ECSIT: variants seen among roughly 807,000 people sequenced by gnomAD.
ECSIT encodes ECSIT signaling integrator.
In ECSIT, 29 loss-of-function variants were observed where a neutral mutation model predicts 36.8. That is an observed-to-expected ratio of 0.79 (90% CI 0.59 to 1.08). The LOEUF (loss-of-function observed/expected upper bound fraction) is 1.08, where lower values mean the gene tolerates loss of function less well. Among genes scored for constraint, ECSIT ranks in the 50% least tolerant of loss-of-function variants. The probability of loss-of-function intolerance (pLI) is 0.00; values close to 1 mark genes in which losing one functional copy is unlikely to be tolerated. For synonymous variants in ECSIT, 231 were observed against 234.8 expected (o/e 0.98, Z 0.15); for missense variants, 542 against 581.0 (o/e 0.93, Z 0.69).
intron 1 of ECSIT, among the ~76,000 whole-genome samples, chr19:11,520,337 A>G (rs565332641): frequency 1.7e-4 from 26 of 151,596 alleles, no homozygotes; most frequent in African/African-American, 6.3e-4. Flanking sequence ...ACGCCCGGCT[A>G]ATTTTTGTAT....
chr19:11,509,845 A>G (rs1971834749), intron 4 of ECSIT, among the ~76,000 whole-genome samples: 1 of 151,912 alleles, frequency 6.6e-6, no homozygotes, highest in Admixed American at 6.6e-5. Flanking sequence ...GGCAAGGTAC[A>G]TGTATATAAT....
In ECSIT at chr19:11,506,205, T is replaced by C. The variant is rs34645543; in HGVS notation, c.1275A>G (p.Arg425=). ...CAGACTAGCTCTGGCCCTGCTGCTG[T>C]CGCTGCAGGTTGTCGTCTTCTTCCT... The part of the protein sequence containing the change: ...DHQEEDDNLQ[R]QQQGQS The change falls in exon 8 of 8, where the codon CGA becomes CGG. Residue 425 remains arginine, a synonymous_variant. Coordinates refer to ENST00000270517, the MANE Select transcript of ECSIT (RefSeq NM_016581.5). 1 of 1,606,596 alleles carries C rather than the reference T, an allele frequency of 6.2e-7. No individual in the cohort carries two copies. Among genetic ancestry groups the C allele is most frequent in the Admixed American group, 1.7e-5 (1 of 60,014 alleles).
chr19:11,508,405 T>C (rs1419940989), intron 4 of ECSIT, among the ~76,000 whole-genome samples: 2 of 150,932 alleles, frequency 1.3e-5, no homozygotes, highest in African/African-American at 4.9e-5. Context: ...TTTTTAGGGA[T>C]GGGGGTCTCC....
At chr19:11,507,149 G>A (rs1340473779) in intron 7 of ECSIT, among the ~76,000 whole-genome samples, 1 of 152,212 alleles carries the variant, frequency 6.6e-6, no homozygotes, top group Non-Finnish European at 1.5e-5. Flanking sequence ...GGGCAAATGA[G>A]TGTGTGCGGC....
chr19:11,506,146 T>G lies in ECSIT; in HGVS notation c.*38A>C, dbSNP rs374330625. 221 of 1,595,994 alleles carry G rather than the reference T, an allele frequency of 1.4e-4. No homozygotes were observed. In the African/African-American group the frequency reaches 2.6e-3, roughly 19 times the overall value. On this transcript the variant is annotated 3_prime_UTR_variant, in exon 8 of 8. Coordinates refer to ENST00000270517, the MANE Select transcript of ECSIT (RefSeq NM_016581.5). Reference sequence around the variant, plus strand: ...CATCTCATGCCTTCAGTCCACCGCCTCCTCGGGCCACAGCCCGTGCCCTCG... The same window carrying G: ...CATCTCATGCCTTCAGTCCACCGCCGCCTCGGGCCACAGCCCGTGCCCTCG...
At chr19:11,507,587 CG>C (rs1404404350) in intron 6 of ECSIT, 25 bp from the exon 7 acceptor site, 4 of 1,613,288 alleles carry the variant, frequency 2.5e-6, no homozygotes, top group South Asian at 1.1e-5. Context: ...GGAGTGCAGG[CG>C]GGGTCAGAGG....
chr19:11,522,603 A>C (rs1356008006), intron 1 of ECSIT: 4 of 565,426 alleles, frequency 7.1e-6, no homozygotes, highest in Non-Finnish European at 1.3e-5. Flanking sequence ...AATCCCAGCT[A>C]CTCAGGAGGC....
intron 1 of ECSIT, among the ~76,000 whole-genome samples, chr19:11,527,688 T>C (rs748600100): frequency 2.1e-4 from 32 of 151,472 alleles, no homozygotes; most frequent in Non-Finnish European, 3.4e-4. Context: ...TGAGATCCTG[T>C]CTCTAAAAAT....
Position 11,505,974 on chromosome 19 carries a change from A to G in ECSIT, c.*210T>C. On this transcript the variant is annotated 3_prime_UTR_variant, in exon 8 of 8. Transcript: ENST00000270517. The stretch of plus-strand genomic sequence containing the variant: ...CCCGCCCCTTTTTATTTGAATTCGG[A>G]GAACCAGAGGCGCCTGCAGATTCTG... The G allele has an allele frequency of 1.0e-6, 1 of 969,500 alleles. No homozygotes were observed. The allele number at this position is 969,500 out of a possible 1,614,324, so 60.1% of individuals were successfully genotyped here.
In ECSIT at chr19:11,505,932, G is replaced by T; in HGVS notation, c.*252C>A. 1 of 898,178 alleles carries T rather than the reference G, an allele frequency of 1.1e-6. No individual in the cohort carries two copies. The highest frequency in any genetic ancestry group is 1.6e-6 in the Non-Finnish European group (1 of 626,704). 55.6% of individuals were successfully genotyped at this position (898,178 alleles called of 1,614,324 possible). ...GACCAAGAATGGAAACTGCGCATGC[G>T]CACAACCAACAGCGCTCCCGCCCCT... On this transcript the variant is annotated 3_prime_UTR_variant, in exon 8 of 8. Coordinates refer to ENST00000270517, the MANE Select transcript of ECSIT (RefSeq NM_016581.5).
chr19:11,513,951 C>G lies in ECSIT; in HGVS notation c.367G>C (p.Glu123Gln), dbSNP rs555585570. Residue 123 changes from glutamate to glutamine, a missense_variant, in exon 3 of 8, where the codon GAG becomes CAG. Coordinates refer to ENST00000270517, the MANE Select transcript of ECSIT (RefSeq NM_016581.5). ...ALRKMREYGV[E>Q]RDLAVYNQLL... ...TGGTTGTACACAGCCAGGTCCCGCT[C>G]GACACCATACTCCCGCATCTTGCGC... 1 of 1,614,214 alleles carries G rather than the reference C, an allele frequency of 6.2e-7. No individual in the cohort carries two copies. The highest frequency in any genetic ancestry group is 1.3e-5 in the African/African-American group (1 of 75,058).
intron 1 of ECSIT, chr19:11,525,598 G>A (rs1239450212): frequency 6.6e-6 from 1 of 152,018 alleles, no homozygotes; most frequent in Admixed American, 6.6e-5. Flanking sequence ...ACATTTGGAA[G>A]TTTATTAGAA....
At chr19:11,515,674 G>GC (rs1971984786) in intron 2 of ECSIT, among the ~76,000 whole-genome samples, 1 of 151,234 alleles carries the variant, frequency 6.6e-6, no homozygotes, top group African/African-American at 2.4e-5. Flanking sequence ...TCGCTCTGTT[G>GC]CCAGGCTGGA....
chr19:11,508,954 G>A (rs1359605935), intron 4 of ECSIT, among the ~76,000 whole-genome samples: 1 of 152,162 alleles, frequency 6.6e-6, no homozygotes, highest in African/African-American at 2.4e-5. Context: ...ATCCCAGGAA[G>A]GAGACACTAG....
At chr19:11,508,759 G>A (rs1971811133) in intron 4 of ECSIT, among the ~76,000 whole-genome samples, 1 of 152,050 alleles carries the variant, frequency 6.6e-6, no homozygotes, top group East Asian at 1.9e-4. Flanking sequence ...TTGCTATGTT[G>A]GCCTGGCTGG....
At chr19:11,521,620 A>G (rs1972106023) in intron 1 of ECSIT, among the ~76,000 whole-genome samples, 1 of 152,016 alleles carries the variant, frequency 6.6e-6, no homozygotes, top group Admixed American at 6.6e-5. Context: ...AAACAAAAAA[A>G]CAAAAATTAG....
chr19:11,518,154 C>T (rs189127822), intron 2 of ECSIT, among the ~76,000 whole-genome samples: 4 of 151,976 alleles, frequency 2.6e-5, no homozygotes, highest in African/African-American at 9.6e-5. Flanking sequence ...CGGCCGGGTG[C>T]GGTGGCTTAT....
At chr19:11,527,449 G>A (rs1310000799) in intron 1 of ECSIT, among the ~76,000 whole-genome samples, 1 of 152,200 alleles carries the variant, frequency 6.6e-6, no homozygotes, top group Non-Finnish European at 1.5e-5. Context: ...GGGAGACCAA[G>A]GTAGGAGGAT....
At chr19:11,507,154 T>C (rs1401900998) in intron 7 of ECSIT, among the ~76,000 whole-genome samples, 1 of 152,110 alleles carries the variant, frequency 6.6e-6, no homozygotes, top group Non-Finnish European at 1.5e-5. Context: ...AATGAGTGTG[T>C]GCGGCCGGAG....
Sources: gnomAD v4.1 joint callset for allele counts (sites outside exome capture counted in the v4.1 genomes callset) on GRCh38, gnomAD v4.1.1 for gene constraint, MANE v1.5 for transcripts, NCBI Gene and HGNC (gene_info 2026-07-23, HGNC 2026-07-21) for gene names.